ALG12: variants seen among roughly 807,000 people sequenced by gnomAD.
ALG12 encodes ALG12 alpha-1,6-mannosyltransferase, also known as dol-P-Man:Man(7)GlcNAc(2)-PP-Dol alpha-1,6-mannosyltransferase.
ALG12 carries 36 observed loss-of-function variants against 46.0 expected under a neutral mutation model. The ratio of observed to expected loss-of-function variants is 0.78; its 90% CI spans 0.60 to 1.03. The LOEUF (loss-of-function observed/expected upper bound fraction) is 1.03. Among genes scored for constraint, ALG12 ranks in the 50% least tolerant of loss-of-function variants. The pLI, the probability that ALG12 is intolerant of heterozygous loss-of-function variation, is 0.00. For missense variants in ALG12, 599 were observed against 633.5 expected (o/e 0.95, Z 0.58); for synonymous variants, 326 against 291.6 (o/e 1.12, Z -1.20).
chr22:49,910,492 C>A lies in ALG12; in HGVS notation c.411G>T (p.Gln137His), dbSNP rs763714978. Reference sequence around the variant, plus strand: ...GCGTGCAGTAGAACATCAGGTGGAACTGCATGGCCGTCACCCAGCAGAACA... The same window carrying A: ...GCGTGCAGTAGAACATCAGGTGGAAATGCATGGCCGTCACCCAGCAGAACA... ...ATMFCWVTAM[Q>H]FHLMFYCTRT... is the part of the protein sequence containing the mutation. Residue 137 changes from glutamine (Q) to histidine (H), a missense_variant, in exon 4 of 10, where the codon CAG becomes CAT. Transcript: ENST00000330817. 3 of 1,613,986 alleles carry A rather than the reference C, an allele frequency of 1.9e-6. No individual in the cohort carries two copies. The highest frequency in any genetic ancestry group is 2.5e-6 in the Non-Finnish European group (3 of 1,180,032).
At chr22:49,912,939 A>G (rs1444285651) in intron 3 of ALG12, among the ~76,000 whole-genome samples, 1 of 152,000 alleles carries the variant, frequency 6.6e-6, no homozygotes, top group Non-Finnish European at 1.5e-5. Flanking sequence ...TAAAGTCCTC[A>G]TGTGGGCACA....
chr22:49,885,966 G>A, the ALG12 span: 2 of 710,704 alleles, frequency 2.8e-6, no homozygotes, highest in East Asian at 2.5e-5. Context: ...ACTGCTCGGC[G>A]CTGTTGGACG....
At chr22:49,863,590 G>A in the ALG12 span, among the ~76,000 whole-genome samples, 575 of 150,152 alleles carry the variant, frequency 3.8e-3, 4 homozygotes, top group African/African-American at 0.013. Flanking sequence ...TCGCGCCACC[G>A]CACTCCAGCC....
intron 7 of ALG12, among the ~76,000 whole-genome samples, chr22:49,907,355 C>T (rs117571035): frequency 6.6e-6 from 1 of 152,332 alleles, no homozygotes; most frequent in East Asian, 1.9e-4. Context: ...AAGACAGAGA[C>T]CACCTGAGCA....
chr22:49,909,453 A>G, intron 5 of ALG12, 106 bp from the exon 6 acceptor site: 1 of 1,203,010 alleles, frequency 8.3e-7, no homozygotes, highest in Non-Finnish European at 1.2e-6. Flanking sequence ...GCTTTCATAT[A>G]AAAGAGGTTG....
chr22:49,869,606 T>C, the ALG12 span, among the ~76,000 whole-genome samples: 1 of 152,224 alleles, frequency 6.6e-6, no homozygotes, highest in Non-Finnish European at 1.5e-5. Context: ...CTGATTTACA[T>C]TGTTTCTCTT....
the ALG12 span, among the ~76,000 whole-genome samples, chr22:49,864,954 T>G: frequency 7.1e-4 from 1 of 1,400 alleles, no homozygotes; most frequent in Non-Finnish European, 1.2e-3. Flanking sequence ...CCCCCCCCCG[T>G]GAAGTCAGAA....
At chr22:49,864,947 C>CT in the ALG12 span, among the ~76,000 whole-genome samples, 2 of 91,732 alleles carry the variant, frequency 2.2e-5, no homozygotes, top group Admixed American at 1.9e-4. Context: ...GCCCCCCCCC[C>CT]CCCCCGTGAA....
intron 1 of ALG12, among the ~76,000 whole-genome samples, chr22:49,915,346 C>G (rs2060603648): frequency 6.6e-6 from 1 of 152,058 alleles, no homozygotes; most frequent in South Asian, 2.1e-4. Context: ...ATCACGAGGT[C>G]AGCAGATCAA....
the ALG12 span, among the ~76,000 whole-genome samples, chr22:49,876,813 T>C: frequency 6.6e-6 from 1 of 152,196 alleles, no homozygotes; most frequent in Admixed American, 6.5e-5. Context: ...TTTTTAGTAG[T>C]GGTATTTCCA....
At chr22:49,883,793 G>A in the ALG12 span, 230 of 1,613,398 alleles carry the variant, frequency 1.4e-4, 2 homozygotes, top group South Asian at 2.5e-3. Context: ...GACTTTAAAA[G>A]CGAGCAGGAG....
downstream of ALG12, among the ~76,000 whole-genome samples, chr22:49,895,429 A>G (rs2147565977): frequency 6.6e-6 from 1 of 152,242 alleles, no homozygotes; most frequent in Admixed American, 6.5e-5. Context: ...AGGTGGGTGG[A>G]TCACCTGAGG....
At chr22:49,915,151 G>C (rs1381205989) in intron 1 of ALG12, among the ~76,000 whole-genome samples, 2 of 152,122 alleles carry the variant, frequency 1.3e-5, no homozygotes, top group Non-Finnish European at 2.9e-5. Context: ...TGGAGAGAAA[G>C]AAAAAAGAAA....
chr22:49,884,928 G>A, the ALG12 span: 11 of 1,606,112 alleles, frequency 6.8e-6, no homozygotes, highest in South Asian at 1.2e-4. Flanking sequence ...ACATAGGGGA[G>A]GCCTCGGCGT....
chr22:49,883,355 T>C, the ALG12 span: 5 of 244,658 alleles, frequency 2.0e-5, no homozygotes, highest in Non-Finnish European at 3.2e-5. Flanking sequence ...GGGTCACGTG[T>C]ATGCTCTCAA....
rs777126132 is a variant in ALG12, at chr22:49,913,647, T to A, written c.119A>T (p.Gln40Leu). The A allele has an allele frequency of 6.2e-7, 1 of 1,614,122 alleles. No individual in the cohort carries two copies. The highest frequency in any genetic ancestry group is 8.5e-7 in the Non-Finnish European group (1 of 1,180,026). The change falls in exon 2 of 10, where the codon CAG (glutamine) becomes CTG (leucine). Residue 40 changes from glutamine to leucine, a missense_variant. Coordinates refer to ENST00000330817, the MANE Select transcript of ALG12 (RefSeq NM_024105.4). ...YTKVEESFNL[Q>L]ATHDLLYHWQ... ...GTGGTAGAGCAGGTCATGTGTGGCC[T>A]GCAGGTTGAAGCTCTCCTCCACTTT...
In ALG12 at chr22:49,903,979, G is replaced by A; in HGVS notation, c.1326C>T (p.Ala442=). The change falls in exon 10 of 10, where the codon GCC becomes GCT. Residue 442 remains alanine, a synonymous_variant. Coordinates refer to ENST00000330817, the MANE Select transcript of ALG12 (RefSeq NM_024105.4). ...ILMEAAPGLL[A]LYRDTHRVLA... ...GGACCCGGTGTGTGTCCCTGTAGAG[G>A]GCCAGGAGCCCAGGGGCCGCCTCCA... The A allele has an allele frequency of 1.2e-6, 2 of 1,614,192 alleles. No individual in the cohort carries two copies. Among genetic ancestry groups the A allele is most frequent in the Non-Finnish European group, 1.7e-6 (2 of 1,180,008 alleles).
chr22:49,874,672 CTTTTTTTTT>C, the ALG12 span, among the ~76,000 whole-genome samples: 198 of 37,316 alleles, frequency 5.3e-3, 4 homozygotes, highest in Non-Finnish European at 7.4e-3. Flanking sequence ...CATGCCCAGC[CTTTTTTTTT>C]TTTTTTTTTT....
At chr22:49,914,873 G>A (rs1177986764) in intron 1 of ALG12, among the ~76,000 whole-genome samples, 1 of 152,242 alleles carries the variant, frequency 6.6e-6, no homozygotes, top group Non-Finnish European at 1.5e-5. Flanking sequence ...AGCTACAGGT[G>A]TGGGTCACCA....
Sources: gnomAD v4.1 joint callset for allele counts (sites outside exome capture counted in the v4.1 genomes callset) on GRCh38, gnomAD v4.1.1 for gene constraint, MANE v1.5 for transcripts, NCBI Gene and HGNC (gene_info 2026-07-23, HGNC 2026-07-21) for gene names.